EXOC4: variants seen among roughly 807,000 people sequenced by gnomAD.
The protein encoded by EXOC4 is exocyst complex component 4.
A neutral mutation model predicts 107.2 loss-of-function variants in EXOC4; 71 were observed. That is an observed-to-expected ratio of 0.66 (90% CI 0.55 to 0.81). EXOC4 has a LOEUF of 0.81. Among genes scored for constraint, EXOC4 ranks in the 30% least tolerant of loss-of-function variants. The pLI is 0.00. For synonymous variants in EXOC4, 456 were observed against 441.2 expected (o/e 1.03, Z -0.42); for missense variants, 1,108 against 1,189.6 (o/e 0.93, Z 1.01).
chr7:133,342,833 T>A (rs1795695942), intron 5 of EXOC4, among the ~76,000 whole-genome samples: 1 of 152,206 alleles, frequency 6.6e-6, no homozygotes, highest in South Asian at 2.1e-4. Context: ...CAGTGTATTT[T>A]GCATATCTCT....
chr7:133,961,956 G>A (rs961881195), intron 14 of EXOC4, among the ~76,000 whole-genome samples: 1 of 152,180 alleles, frequency 6.6e-6, no homozygotes. Context: ...GGTGGTGGCC[G>A]CCCTCATTTC....
At chr7:133,517,124 A>G in intron 9 of EXOC4, among the ~76,000 whole-genome samples, 1 of 152,256 alleles carries the variant, frequency 6.6e-6, no homozygotes, top group South Asian at 2.1e-4. Flanking sequence ...AAAGACAAAT[A>G]TTTGATTTGT....
Position 133,475,385 on chromosome 7 carries a change from G to C in EXOC4, c.1240G>C (p.Ala414Pro). Residue 414 changes from alanine (A) to proline (P), a missense_variant, in exon 8 of 18, where the codon GCT (alanine) becomes CCT (proline). Coordinates refer to ENST00000253861, the MANE Select transcript of EXOC4 (RefSeq NM_021807.4). The stretch of plus-strand genomic sequence containing the variant: ...TACTCGTACGGCCTCTGAACCATCA[G>C]CTCAACTAAGCTATGCCAGCACTGG... Reference protein sequence around the residue: ...KNTRTASEPSAQLSYASTGRE... With the variant: ...KNTRTASEPSPQLSYASTGRE... The C allele has an allele frequency of 1.2e-6, 2 of 1,614,020 alleles. No individual in the cohort carries two copies. The highest frequency in any genetic ancestry group is 2.2e-5 in the East Asian group (1 of 44,874).
intron 10 of EXOC4, among the ~76,000 whole-genome samples, chr7:133,769,894 A>G (rs1293154856): frequency 6.6e-6 from 1 of 151,842 alleles, no homozygotes; most frequent in East Asian, 1.9e-4. Context: ...AATCAGAATC[A>G]TTTTCTGTGT....
chr7:133,659,243 G>T (rs376653537), intron 10 of EXOC4, among the ~76,000 whole-genome samples: 1 of 151,952 alleles, frequency 6.6e-6, no homozygotes, highest in African/African-American at 2.4e-5. Flanking sequence ...TTCTAATGTG[G>T]ATAGTAGTAG....
chr7:133,545,160 A>T (rs1800456958), intron 9 of EXOC4, among the ~76,000 whole-genome samples: 1 of 152,056 alleles, frequency 6.6e-6, no homozygotes, highest in Non-Finnish European at 1.5e-5. Flanking sequence ...CTCTTGCATT[A>T]TAGAAGAAAA....
chr7:133,999,599 C>G (rs1466227308), intron 15 of EXOC4, among the ~76,000 whole-genome samples: 1 of 152,046 alleles, frequency 6.6e-6, no homozygotes, highest in Non-Finnish European at 1.5e-5. Context: ...TTTCTATGAA[C>G]AAATATTTGC....
At chr7:134,017,387 G>A (rs1324688913) in intron 17 of EXOC4, among the ~76,000 whole-genome samples, 1 of 152,088 alleles carries the variant, frequency 6.6e-6, no homozygotes, top group South Asian at 2.1e-4. Flanking sequence ...GAAATGCGAT[G>A]GTTTACATGG....
chr7:133,723,326 T>C (rs2151108739), intron 10 of EXOC4, among the ~76,000 whole-genome samples: 1 of 152,316 alleles, frequency 6.6e-6, no homozygotes, highest in African/African-American at 2.4e-5. Flanking sequence ...CTCTTCCACC[T>C]CCCATGTTGT....
At chr7:133,889,668 C>T (rs1194115454) in intron 11 of EXOC4, among the ~76,000 whole-genome samples, 4 of 106,048 alleles carry the variant, frequency 3.8e-5, no homozygotes, top group African/African-American at 7.4e-5. Flanking sequence ...TGAGAATATG[C>T]GGTGTTTGGT....
intron 11 of EXOC4, among the ~76,000 whole-genome samples, chr7:133,823,897 A>ATATATATATATATAAATATATATATAAAT (rs1797627663): frequency 3.8e-5 from 1 of 26,396 alleles, no homozygotes; most frequent in Non-Finnish European, 5.7e-5. Context: ...TATATATTTT[A>ATATATATATATATAAATATATATATAAAT]TATATATATA....
chr7:133,763,482 CTGATG>C, intron 10 of EXOC4, among the ~76,000 whole-genome samples: 1 of 152,116 alleles, frequency 6.6e-6, no homozygotes, highest in East Asian at 1.9e-4. Context: ...TAAACTTACC[CTGATG>C]TGATGTTGGC....
In EXOC4 at chr7:133,859,799, A is replaced by G. The variant is rs965300909; in HGVS notation, c.1735-35800A>G. Among the ~76,000 whole-genome samples, 6 of 152,158 alleles carry G rather than the reference A, an allele frequency of 3.9e-5. 1 individual carries two copies. The highest frequency in any genetic ancestry group is 4.1e-4 in the South Asian group (2 of 4,834). On this transcript the variant is annotated intron_variant, in intron 11 of 17. Coordinates refer to ENST00000253861, the MANE Select transcript of EXOC4 (RefSeq NM_021807.4). ...AAACAGTATTTTTTTAATGTCTTCA[A>G]TGTACAGAATGGTGAAGATAAAATA...
At chr7:133,437,826 A>T (rs959485315) in intron 7 of EXOC4, among the ~76,000 whole-genome samples, 35 of 152,136 alleles carry the variant, frequency 2.3e-4, no homozygotes, top group African/African-American at 7.0e-4. Flanking sequence ...CTCTAATTAT[A>T]CAAATATGTC....
At chr7:133,685,578 G>T (rs1378186113) in intron 10 of EXOC4, among the ~76,000 whole-genome samples, 1 of 152,038 alleles carries the variant, frequency 6.6e-6, no homozygotes, top group Non-Finnish European at 1.5e-5. Flanking sequence ...TGAGATTTCT[G>T]ATTACAGAAT....
At chr7:133,596,752 A>G (rs1801684330) in intron 9 of EXOC4, among the ~76,000 whole-genome samples, 3 of 152,086 alleles carry the variant, frequency 2.0e-5, no homozygotes, top group Admixed American at 2.0e-4. Context: ...TAGCTCTCAT[A>G]GCTATAAAAT....
intron 10 of EXOC4, among the ~76,000 whole-genome samples, chr7:133,652,845 G>A (rs545256289): frequency 6.6e-6 from 1 of 152,258 alleles, no homozygotes; most frequent in South Asian, 2.1e-4. Context: ...TAATGCTTTT[G>A]TGGCAATATC....
At chr7:134,093,267 C>T in the EXOC4 span, among the ~76,000 whole-genome samples, 1 of 152,026 alleles carries the variant, frequency 6.6e-6, no homozygotes, top group Non-Finnish European at 1.5e-5. Context: ...AAGCAGGGGT[C>T]ACTCTTCTTA....
chr7:133,576,743 A>G (rs1321323969), intron 9 of EXOC4: 10 of 1,289,824 alleles, frequency 7.8e-6, no homozygotes, highest in Admixed American at 4.6e-5. Flanking sequence ...ATATTGGTCT[A>G]CAGGGTACTA....
Sources: gnomAD v4.1 joint callset for allele counts (sites outside exome capture counted in the v4.1 genomes callset) on GRCh38, gnomAD v4.1.1 for gene constraint, MANE v1.5 for transcripts, NCBI Gene and HGNC (gene_info 2026-07-23, HGNC 2026-07-21) for gene names.